RBFOX1: variants seen among roughly 807,000 people sequenced by gnomAD.
RBFOX1 encodes the protein RNA binding fox-1 homolog 1, also known as RNA binding protein fox-1 homolog 1.
RBFOX1 carries 8 observed loss-of-function variants against 57.7 expected under a neutral mutation model. That is an observed-to-expected ratio of 0.14 (90% CI 0.08 to 0.25). The LOEUF (loss-of-function observed/expected upper bound fraction) is 0.25. Ranked by LOEUF, RBFOX1 falls within the 10% of genes least tolerant of loss-of-function variation. The pLI is 1.00. For missense variants in RBFOX1, 611 were observed against 548.5 expected, an observed-to-expected ratio of 1.11 and a Z score of -1.14; for synonymous variants, 326 against 222.4, an observed-to-expected ratio of 1.47 and a Z score of -4.15.
rs1186160064 is a variant in RBFOX1, at chr16:6,164,725, C to T, written c.-127+144733C>T. Among the ~76,000 whole-genome samples, 3 of 151,972 alleles carry T rather than the reference C, an allele frequency of 2.0e-5. 1 individual carries two copies. The highest frequency in any genetic ancestry group is 1.5e-5 in the Non-Finnish European group (1 of 67,996). On this transcript the variant is annotated intron_variant, in intron 1 of 15. Coordinates refer to ENST00000550418, the MANE Select transcript of RBFOX1 (RefSeq NM_018723.4). ...ATTTCTGACCTCTGGTGATCCACCC[C>T]CCTTGGCCTTCCAAAGTGCTGGTGT...
intron 1 of RBFOX1, among the ~76,000 whole-genome samples, chr16:6,301,985 A>G (rs116402284): frequency 0.015 from 2,341 of 152,258 alleles, 63 homozygotes; most frequent in African/African-American, 0.054. Context: ...GGGAAAAATC[A>G]GAAACCGAGC....
rs554983857 is a variant in RBFOX1 at position 6,900,096 on chromosome 16, G to A, written c.-15-151961G>A. ...CATAAAATGCTTAGAACAGTTCCTGGCACATGAAACAAAGGTTTATTTGAG... is the reference window on the plus strand; with the variant it reads ...CATAAAATGCTTAGAACAGTTCCTGACACATGAAACAAAGGTTTATTTGAG... On this transcript the variant is annotated intron_variant, in intron 3 of 15. Transcript: ENST00000550418. Among the ~76,000 whole-genome samples the A allele has an allele frequency of 5.9e-5, 9 of 152,234 alleles. No individual in the cohort carries two copies. The South Asian group carries it at 1.9e-3, about 32-fold the overall frequency.
intron 3 of RBFOX1, among the ~76,000 whole-genome samples, chr16:6,672,421 A>G (rs1437428715): frequency 2.6e-5 from 4 of 151,400 alleles, no homozygotes; most frequent in Non-Finnish European, 5.9e-5. Flanking sequence ...GATGGATGGA[A>G]GGAAGGAAAA....
chr16:7,112,394 G>A (rs1051619403), intron 4 of RBFOX1, among the ~76,000 whole-genome samples: 1 of 65,318 alleles, frequency 1.5e-5, no homozygotes, highest in Non-Finnish European at 3.4e-5. Flanking sequence ...TTTTTTTTTT[G>A]TAGAGACGTG....
At chr16:5,719,245 A>G (rs939984887) in intron 3 of RBFOX1, among the ~76,000 whole-genome samples, 1 of 139,468 alleles carries the variant, frequency 7.2e-6, no homozygotes, top group East Asian at 2.1e-4. Context: ...GCCATCTCCC[A>G]GGCTGGAGTG....
chr16:7,098,598 A>T (rs1004544672), intron 4 of RBFOX1, among the ~76,000 whole-genome samples: 2 of 152,202 alleles, frequency 1.3e-5, no homozygotes, highest in African/African-American at 4.8e-5. Context: ...ATGTATTGGT[A>T]ATAACACAGG....
At chr16:7,206,044 T>C (rs186307978) in intron 4 of RBFOX1, among the ~76,000 whole-genome samples, 4 of 152,312 alleles carry the variant, frequency 2.6e-5, no homozygotes, top group African/African-American at 9.6e-5. Context: ...GAGTAGGATG[T>C]TTAGTTTTAC....
chr16:6,967,479 G>A (rs1378781840), intron 3 of RBFOX1, among the ~76,000 whole-genome samples: 1 of 152,112 alleles, frequency 6.6e-6, no homozygotes, highest in African/African-American at 2.4e-5. Context: ...GATAGGATAG[G>A]AGCAGTGGAT....
chr16:7,053,571 T>C (rs1421425149), intron 4 of RBFOX1, among the ~76,000 whole-genome samples: 1 of 152,234 alleles, frequency 6.6e-6, no homozygotes, highest in East Asian at 1.9e-4. Context: ...AAGATAATAT[T>C]GAAATCTCTA....
chr16:5,529,468 C>G (rs1309770478), intron 2 of RBFOX1, among the ~76,000 whole-genome samples: 1 of 150,872 alleles, frequency 6.6e-6, no homozygotes, highest in African/African-American at 2.4e-5. Context: ...ATGATCTCAG[C>G]TCACTGCATC....
At chr16:5,394,934 C>G (rs1205774946) in intron 1 of RBFOX1, among the ~76,000 whole-genome samples, 1 of 152,088 alleles carries the variant, frequency 6.6e-6, no homozygotes, top group East Asian at 1.9e-4. Context: ...CACCTTGTGT[C>G]CAGCCGGCAT....
At chr16:7,584,374 C>G (rs1335230318) in intron 6 of RBFOX1, among the ~76,000 whole-genome samples, 3 of 152,150 alleles carry the variant, frequency 2.0e-5, no homozygotes, top group Non-Finnish European at 2.9e-5. Context: ...TTCACTGCAA[C>G]CTCCACCTCC....
intron 3 of RBFOX1, among the ~76,000 whole-genome samples, chr16:6,753,270 G>A (rs1227576243): frequency 6.6e-6 from 1 of 152,142 alleles, no homozygotes; most frequent in Non-Finnish European, 1.5e-5. Context: ...TAGAATATAG[G>A]TGGTAGATAT....
chr16:6,284,001 C>T (rs1227639064), intron 1 of RBFOX1, among the ~76,000 whole-genome samples: 1 of 152,152 alleles, frequency 6.6e-6, no homozygotes, highest in Non-Finnish European at 1.5e-5. Context: ...TCTTAGTGAG[C>T]TGTGGATGGT....
intron 3 of RBFOX1, among the ~76,000 whole-genome samples, chr16:5,653,428 G>C (rs915022165): frequency 6.7e-5 from 10 of 150,250 alleles, no homozygotes; most frequent in Non-Finnish European, 1.5e-4. Context: ...CTTTGAGGCA[G>C]GTGGGGTGTG....
chr16:7,277,541 A>G (rs1288261369), intron 4 of RBFOX1, among the ~76,000 whole-genome samples: 2 of 152,144 alleles, frequency 1.3e-5, no homozygotes, highest in Non-Finnish European at 2.9e-5. Context: ...GATGTTCATA[A>G]TCTAGGATCC....
intron 1 of RBFOX1, among the ~76,000 whole-genome samples, chr16:6,269,207 A>G (rs1469662380): frequency 6.6e-6 from 1 of 152,160 alleles, no homozygotes; most frequent in African/African-American, 2.4e-5. Context: ...ATACTGTCTG[A>G]TGTGATTGGT....
chr16:5,864,351 A>G (rs190480214), intron 3 of RBFOX1, among the ~76,000 whole-genome samples: 8 of 152,340 alleles, frequency 5.3e-5, no homozygotes, highest in Admixed American at 3.3e-4. Context: ...TACATTATCA[A>G]TGTAAACATC....
rs73498396 is a variant in RBFOX1, at chr16:7,461,221, G to A, written c.28-56926G>A. 1.5e-3 allele frequency among the ~76,000 whole-genome samples: 232 copies of A among 151,820 alleles called. 1 individual carries two copies. Among genetic ancestry groups the A allele is most frequent in the African/African-American group, 5.1e-3 (211 of 41,366 alleles). On this transcript the variant is annotated intron_variant, in intron 4 of 15. Transcript: ENST00000550418. Reference sequence around the variant, plus strand: ...TCTCACCCTGTCCCCAGGCTGGAGTGCAGTGGCACTATCTCGGCTCACTGC... The same window carrying A: ...TCTCACCCTGTCCCCAGGCTGGAGTACAGTGGCACTATCTCGGCTCACTGC...
Sources: allele counts gnomAD v4.1 joint callset (sites outside exome capture counted in the v4.1 genomes callset), GRCh38; gene constraint gnomAD v4.1.1; transcripts MANE v1.5; gene names NCBI Gene and HGNC (gene_info 2026-07-23, HGNC 2026-07-21).